The following ZNF804B variants were observed in gnomAD, a reference collection of about 807,000 sequenced individuals.
ZNF804B encodes zinc finger 804B.
Under a neutral mutation model 101.4 loss-of-function variants are expected in ZNF804B, and 80 were observed. That is an observed-to-expected ratio of 0.79 (90% CI 0.66 to 0.95). The LOEUF (loss-of-function observed/expected upper bound fraction) is 0.95, where lower values mean the gene tolerates loss of function less well. Among genes scored for constraint, ZNF804B ranks in the 40% least tolerant of loss-of-function variants. The pLI is 0.00. For missense variants in ZNF804B, 1,673 were observed against 1,561.9 expected (o/e 1.07, Z -1.20); for synonymous variants, 622 against 558.8 (o/e 1.11, Z -1.59).
chr7:89,193,863 T>C (rs192529583), intron 1 of ZNF804B, among the ~76,000 whole-genome samples: 1,605 of 152,118 alleles, frequency 0.011, 40 homozygotes, highest in East Asian at 0.094. Flanking sequence ...GTATTTCTAG[T>C]TCTAGATCCC....
At chr7:88,937,077 C>A (rs1792983266) in intron 1 of ZNF804B, among the ~76,000 whole-genome samples, 1 of 142,480 alleles carries the variant, frequency 7.0e-6, no homozygotes, top group African/African-American at 2.7e-5. Flanking sequence ...GCTTTCTGCC[C>A]CAAACACATA....
chr7:88,982,955 A>C (rs1793712699), intron 1 of ZNF804B, among the ~76,000 whole-genome samples: 1 of 152,096 alleles, frequency 6.6e-6, no homozygotes, highest in Non-Finnish European at 1.5e-5. Flanking sequence ...AGTCCTTCTT[A>C]CTAAGCTTTA....
chr7:88,772,670 C>T (rs922856248), intron 1 of ZNF804B, among the ~76,000 whole-genome samples: 3 of 152,020 alleles, frequency 2.0e-5, no homozygotes, highest in African/African-American at 7.2e-5. Context: ...TTAAGCTAGC[C>T]CTAGGATTTA....
chr7:89,119,445 C>T (rs1268150274), intron 1 of ZNF804B, among the ~76,000 whole-genome samples: 1 of 152,128 alleles, frequency 6.6e-6, no homozygotes. Flanking sequence ...ACTAAACTAC[C>T]TTTCCAGCAA....
rs143153403 is a variant in ZNF804B at position 89,276,058 on chromosome 7, T to C, written c.250-51286T>C. Among the ~76,000 whole-genome samples the C allele has an allele frequency of 2.0e-4, 30 of 151,894 alleles. 2 individuals carry two copies. The highest frequency in any genetic ancestry group is 7.3e-4 in the African/African-American group (30 of 41,244). On this transcript the variant is annotated intron_variant, in intron 2 of 3. Coordinates refer to ENST00000333190, the MANE Select transcript of ZNF804B (RefSeq NM_181646.5). Reference sequence around the variant, plus strand: ...CTGGAAGCCATTATCCTTAGCAAACTAACACAGGAACAGAAAACCAAACAC... The same window carrying C: ...CTGGAAGCCATTATCCTTAGCAAACCAACACAGGAACAGAAAACCAAACAC...
chr7:89,057,067 T>C (rs1282732377), intron 1 of ZNF804B, among the ~76,000 whole-genome samples: 1 of 151,750 alleles, frequency 6.6e-6, no homozygotes, highest in Non-Finnish European at 1.5e-5. Context: ...GTCCTCCAAC[T>C]TGTTGCTGGA....
rs1042216397 is a variant in ZNF804B at position 88,950,973 on chromosome 7, G to A, written c.108+190889G>A. On this transcript the variant is annotated intron_variant, in intron 1 of 3. Transcript: ENST00000333190. ...TTTACTCTAGTTACTGGTACATAAC[G>A]TACCTCTGAAAATATTACTAAGCAA... Among the ~76,000 whole-genome samples the A allele has an allele frequency of 7.9e-5, 12 of 151,406 alleles. No homozygotes were observed. The East Asian group carries it at 2.0e-3, about 25-fold the overall frequency.
Position 88,779,920 on chromosome 7 carries a change from G to A in ZNF804B, c.108+19836G>A, listed in dbSNP as rs145217222. On this transcript the variant is annotated intron_variant, in intron 1 of 3. Coordinates refer to ENST00000333190, the MANE Select transcript of ZNF804B (RefSeq NM_181646.5). ...CCCTAAGGTGCTACAGGGTCTATGC[G>A]TTAGAAGATACTCAAAAAACTGTCC... is the stretch of plus-strand genomic sequence containing the variant. Among the ~76,000 whole-genome samples the A allele has an allele frequency of 3.3e-5, 5 of 152,234 alleles. No homozygotes were observed. The East Asian group carries it at 5.8e-4, about 18-fold the overall frequency.
intron 1 of ZNF804B, among the ~76,000 whole-genome samples, chr7:89,047,924 C>A (rs141309210): frequency 6.6e-6 from 1 of 151,510 alleles, no homozygotes; most frequent in Admixed American, 6.6e-5. Context: ...GGATATAGAG[C>A]CTTTTGGTTT....
At chr7:89,280,909 G>T (rs1233062401) in intron 2 of ZNF804B, among the ~76,000 whole-genome samples, 1 of 152,110 alleles carries the variant, frequency 6.6e-6, no homozygotes, top group Non-Finnish European at 1.5e-5. Flanking sequence ...ATTTTATAAA[G>T]GAGTTTTTTT....
chr7:89,277,359 G>C (rs1789998526), intron 2 of ZNF804B, among the ~76,000 whole-genome samples: 1 of 147,110 alleles, frequency 6.8e-6, no homozygotes, highest in Admixed American at 6.8e-5. Context: ...TTAAGTTTTA[G>C]GGTACATGTG....
chr7:89,109,983 T>C (rs1790191955), intron 1 of ZNF804B, among the ~76,000 whole-genome samples: 1 of 151,978 alleles, frequency 6.6e-6, no homozygotes, highest in African/African-American at 2.4e-5. Context: ...GGATATGCAG[T>C]TGAGGGAAAA....
rs544072634 is a variant in ZNF804B at position 89,088,015 on chromosome 7, G to T, written c.109-130140G>T. ...ATATATATATATATTAATTTATTTC[G>T]TTTCCACCATAACTCTTCAAGAGAG... is the stretch of plus-strand genomic sequence containing the variant. On this transcript the variant is annotated intron_variant, in intron 1 of 3. Coordinates refer to ENST00000333190, the MANE Select transcript of ZNF804B (RefSeq NM_181646.5). Among the ~76,000 whole-genome samples, 6 of 150,444 alleles carry T rather than the reference G, an allele frequency of 4.0e-5. No homozygotes were observed. In the East Asian group the frequency reaches 1.2e-3, roughly 29 times the overall value.
At chr7:89,286,197 G>A (rs1331585970) in intron 2 of ZNF804B, among the ~76,000 whole-genome samples, 2 of 152,106 alleles carry the variant, frequency 1.3e-5, no homozygotes, top group Non-Finnish European at 2.9e-5. Flanking sequence ...CCTCTAAATC[G>A]GGACTTTAGG....
intron 1 of ZNF804B, among the ~76,000 whole-genome samples, chr7:88,930,664 A>G (rs1792869650): frequency 6.6e-6 from 1 of 151,858 alleles, no homozygotes; most frequent in Non-Finnish European, 1.5e-5. Context: ...AGTTGATAAG[A>G]AAGAGAAGGA....
chr7:88,783,150 T>A (rs1425163348), intron 1 of ZNF804B, among the ~76,000 whole-genome samples: 2 of 152,190 alleles, frequency 1.3e-5, no homozygotes. Flanking sequence ...CAGTTTATTA[T>A]TCAGCTCCCT....
chr7:88,789,809 G>A (rs1790353035), intron 1 of ZNF804B, among the ~76,000 whole-genome samples: 1 of 152,096 alleles, frequency 6.6e-6, no homozygotes, highest in Non-Finnish European at 1.5e-5. Flanking sequence ...TAATTGAAAT[G>A]TGGTTTTGTG....
chr7:89,040,855 C>A (rs995534459), intron 1 of ZNF804B, among the ~76,000 whole-genome samples: 4 of 152,202 alleles, frequency 2.6e-5, no homozygotes, highest in Admixed American at 6.5e-5. Flanking sequence ...TGGGACAGGG[C>A]CTAGAGCCTG....
In ZNF804B at chr7:89,338,102, G is replaced by A. The variant is rs532054714; in HGVS notation, c.*1070G>A. Among the ~76,000 whole-genome samples, 19 of 152,110 alleles carry A rather than the reference G, an allele frequency of 1.2e-4. No homozygotes were observed. The South Asian group carries it at 2.9e-3, about 23-fold the overall frequency. On this transcript the variant is annotated 3_prime_UTR_variant, in exon 4 of 4. Transcript: ENST00000333190. ...CATTCATTCAAAATGGTTTTTGGCC[G>A]CCAAAATTTGCATTTCATACATCTA...
Sources: allele counts gnomAD v4.1 joint callset (sites outside exome capture counted in the v4.1 genomes callset), GRCh38; gene constraint gnomAD v4.1.1; transcripts MANE v1.5; gene names NCBI Gene and HGNC (gene_info 2026-07-23, HGNC 2026-07-21).